The following VGLL3 variants were observed in gnomAD, a reference collection of about 807,000 sequenced individuals.
VGLL3 encodes the protein transcription cofactor vestigial-like protein 3.
VGLL3 carries 18 observed loss-of-function variants against 29.2 expected under a neutral mutation model. The observed-to-expected ratio is 0.62, with a 90% CI of 0.43 to 0.91. The LOEUF (loss-of-function observed/expected upper bound fraction) is 0.91, where lower values mean the gene tolerates loss of function less well. VGLL3 is among the 40% of genes least tolerant of loss of function. The probability of loss-of-function intolerance (pLI) is 0.00; values close to 1 mark genes in which losing one functional copy is unlikely to be tolerated. For missense variants in VGLL3, 440 were observed against 413.2 expected, an observed-to-expected ratio of 1.06 and a Z score of -0.56; for synonymous variants, 180 against 151.8, an observed-to-expected ratio of 1.19 and a Z score of -1.36.
intron 3 of VGLL3, among the ~76,000 whole-genome samples, chr3:86,953,437 T>C (rs1575861083): frequency 1.3e-5 from 2 of 152,212 alleles, no homozygotes; most frequent in East Asian, 3.9e-4. Flanking sequence ...CACACGGGTG[T>C]ACAAAGTTGC....
At chr3:86,957,972 G>C (rs1704757679) in intron 3 of VGLL3, among the ~76,000 whole-genome samples, 1 of 151,982 alleles carries the variant, frequency 6.6e-6, no homozygotes, top group South Asian at 2.1e-4. Context: ...TGACAAACTA[G>C]TCTTCTCTGC....
chr3:86,988,218 T>C (rs1240816796), intron 1 of VGLL3, among the ~76,000 whole-genome samples: 1 of 152,180 alleles, frequency 6.6e-6, no homozygotes, highest in Non-Finnish European at 1.5e-5. Context: ...GCTGTTACTT[T>C]TCTTCGCTCC....
Position 86,940,975 on chromosome 3 carries a change from T to C in VGLL3, c.*6049A>G, listed in dbSNP as rs2106942240. On this transcript the variant is annotated 3_prime_UTR_variant, in exon 4 of 4. Transcript: ENST00000398399. ...GAAAGTTCATGGTATTTCAATGCAG[T>C]AAAATAATATTTCTATTGTTAGTTT... The C allele has an allele frequency of 6.6e-6, 1 of 152,546 alleles. No homozygotes were observed. The highest frequency in any genetic ancestry group is 1.9e-4 in the East Asian group (1 of 5,182). The allele number at this position is 152,546 out of a possible 1,614,324, so 9.4% of individuals were successfully genotyped here.
At chr3:86,989,734 C>T (rs543240942) in intron 1 of VGLL3, among the ~76,000 whole-genome samples, 1 of 152,092 alleles carries the variant, frequency 6.6e-6, no homozygotes, top group South Asian at 2.1e-4. Flanking sequence ...TTTGGTACAG[C>T]CCTTGCCACA....
At chr3:86,958,467 TTA>T (rs1161613107) in intron 3 of VGLL3, among the ~76,000 whole-genome samples, 9 of 152,260 alleles carry the variant, frequency 5.9e-5, no homozygotes, top group African/African-American at 2.2e-4. Flanking sequence ...CATAACACCT[TTA>T]CAAAGCTCCT....
intron 3 of VGLL3, among the ~76,000 whole-genome samples, chr3:86,949,583 T>C (rs1704572688): frequency 6.6e-6 from 1 of 151,876 alleles, no homozygotes; most frequent in Admixed American, 6.6e-5. Context: ...TCTCAGCACT[T>C]TGGGAAGCCG....
chr3:86,970,172 C>T (rs1705064246), intron 2 of VGLL3, among the ~76,000 whole-genome samples: 1 of 152,088 alleles, frequency 6.6e-6, no homozygotes, highest in Non-Finnish European at 1.5e-5. Flanking sequence ...TCCCCTAACT[C>T]TTCATCAGTT....
chr3:86,957,631 T>A (rs1212124399), intron 3 of VGLL3, among the ~76,000 whole-genome samples: 2 of 152,206 alleles, frequency 1.3e-5, no homozygotes, highest in Non-Finnish European at 2.9e-5. Flanking sequence ...TGGTGATATG[T>A]ATGCAGAATC....
intron 2 of VGLL3, among the ~76,000 whole-genome samples, chr3:86,975,757 A>G (rs1705196229): frequency 6.6e-6 from 1 of 152,162 alleles, no homozygotes; most frequent in South Asian, 2.1e-4. Flanking sequence ...ATAGGAGATG[A>G]AAATTGAAGC....
chr3:86,978,654 G>T lies in VGLL3; in HGVS notation c.275C>A (p.Thr92Asn). The change falls in exon 2 of 4, where the codon ACT (threonine) becomes AAT (asparagine). Residue 92 changes from threonine (T) to asparagine (N), a missense_variant. By Grantham distance (65) the Thr-to-Asn change is moderately conservative. Transcript: ENST00000398399. ...TGACCCAATGTCTCCCTGGAAATAAGTGAAAAGGACACAGCGAGAGTTAAG... is the reference window on the plus strand; with the variant it reads ...TGACCCAATGTCTCCCTGGAAATAATTGAAAAGGACACAGCGAGAGTTAAG... ...EYLNSRCVLF[T>N]YFQGDIGSVV... is the part of the protein sequence containing the mutation. 6.2e-7 allele frequency: 1 copy of T among 1,614,158 alleles called. No homozygotes were observed. The highest frequency in any genetic ancestry group is 8.5e-7 in the Non-Finnish European group (1 of 1,180,030).
At chr3:86,990,202 C>T in intron 1 of VGLL3, 7 of 648,942 alleles carry the variant, frequency 1.1e-5, no homozygotes, top group Non-Finnish European at 1.3e-5. Flanking sequence ...GCTTCCCCTA[C>T]CTCTGTCAGC....
At chr3:86,985,629 C>T (rs1055208390) in intron 1 of VGLL3, among the ~76,000 whole-genome samples, 1 of 152,106 alleles carries the variant, frequency 6.6e-6, no homozygotes, top group Non-Finnish European at 1.5e-5. Flanking sequence ...CTTAGGTCTT[C>T]CTAAATGAGT....
rs28639867 is a variant in VGLL3 at position 86,949,782 on chromosome 3, A to G, written c.938-2715T>C. ...GCAGAGCTCACAGTGAGCCGAGATC[A>G]TGCCACTGCACTCCAGCCTGGGTGA... On this transcript the variant is annotated intron_variant, in intron 3 of 3. Coordinates refer to ENST00000398399, the MANE Select transcript of VGLL3 (RefSeq NM_016206.4). 6.4e-3 allele frequency among the ~76,000 whole-genome samples: 963 copies of G among 149,740 alleles called. 9 individuals carry two copies. Among genetic ancestry groups the G allele is most frequent in the African/African-American group, 0.021 (849 of 40,644 alleles).
At chr3:86,982,911 A>T (rs1575880261) in intron 1 of VGLL3, among the ~76,000 whole-genome samples, 1 of 152,216 alleles carries the variant, frequency 6.6e-6, no homozygotes, top group Non-Finnish European at 1.5e-5. Flanking sequence ...TTATAAAGTT[A>T]AAGCTAACTC....
At chr3:86,971,471 G>T (rs1307633027) in intron 2 of VGLL3, among the ~76,000 whole-genome samples, 1 of 152,128 alleles carries the variant, frequency 6.6e-6, no homozygotes, top group African/African-American at 2.4e-5. Flanking sequence ...GGAAATCTAG[G>T]AAATGGTGTT....
chr3:86,991,017 C>G lies in VGLL3; in HGVS notation c.-274G>C. 1 of 842,532 alleles carries G rather than the reference C, an allele frequency of 1.2e-6. No individual in the cohort carries two copies. Among genetic ancestry groups the G allele is most frequent in the Non-Finnish European group, 1.4e-6 (1 of 693,310 alleles). The allele number at this position is 842,532 out of a possible 1,614,324, so 52.2% of individuals were successfully genotyped here. A position where few individuals can be genotyped will look rare whatever the true frequency, so the allele number is the denominator to read the frequency against. ...ATATAGCGGCTCAGGGACGCAGCCG[C>G]CCGCTGCGCCGCTGGGGCATTACCG... On this transcript the variant is annotated 5_prime_UTR_variant, in exon 1 of 4. Coordinates refer to ENST00000398399, the MANE Select transcript of VGLL3 (RefSeq NM_016206.4).
intron 3 of VGLL3, among the ~76,000 whole-genome samples, chr3:86,965,670 C>T (rs1204583413): frequency 2.6e-5 from 4 of 152,224 alleles, no homozygotes; most frequent in East Asian, 1.9e-4. Flanking sequence ...TGGGAATTGC[C>T]TTCAGCTGAA....
In VGLL3 at chr3:86,939,105, C is replaced by A. The variant is rs980779193; in HGVS notation, c.*7919G>T. On this transcript the variant is annotated 3_prime_UTR_variant, in exon 4 of 4. Transcript: ENST00000398399. The stretch of plus-strand genomic sequence containing the variant: ...CATTTGAAATAGTGACAGGAATTTT[C>A]TTTACATGCAATTATTTAATGAATG... 6.6e-6 allele frequency: 1 copy of A among 152,186 alleles called. No homozygotes were observed. The highest frequency in any genetic ancestry group is 1.5e-5 in the Non-Finnish European group (1 of 68,034). 9.4% of individuals were successfully genotyped at this position (152,186 alleles called of 1,614,324 possible).
chr3:86,951,595 G>C lies in VGLL3; in HGVS notation c.938-4528C>G, dbSNP rs539710232. 4.9e-4 allele frequency among the ~76,000 whole-genome samples: 74 copies of C among 152,260 alleles called. 1 individual carries two copies. The highest frequency in any genetic ancestry group is 4.4e-5 in the Non-Finnish European group (3 of 68,010). Reference sequence around the variant, plus strand: ...ACTCATTTTCTAACTGAGATTCAGGGAGGCAGCAGCTTCACAGATCTACCT... The same window carrying C: ...ACTCATTTTCTAACTGAGATTCAGGCAGGCAGCAGCTTCACAGATCTACCT... On this transcript the variant is annotated intron_variant, in intron 3 of 3. Coordinates refer to ENST00000398399, the MANE Select transcript of VGLL3 (RefSeq NM_016206.4).
Sources: gnomAD v4.1 joint callset for allele counts (sites outside exome capture counted in the v4.1 genomes callset) on GRCh38, gnomAD v4.1.1 for gene constraint, MANE v1.5 for transcripts, NCBI Gene and HGNC (gene_info 2026-07-23, HGNC 2026-07-21) for gene names.